The following FGD4 variants were observed in gnomAD, a reference collection of about 807,000 sequenced individuals.
FGD4 encodes the protein FYVE, RhoGEF and PH domain-containing protein 4.
In FGD4, 42 loss-of-function variants were observed where a neutral mutation model predicts 102.0. The observed-to-expected ratio is 0.41, with a 90% CI of 0.32 to 0.53. The LOEUF is 0.53. Among genes scored for constraint, FGD4 ranks in the 20% least tolerant of loss-of-function variants. The probability of loss-of-function intolerance (pLI) is 0.21; values close to 1 mark genes in which losing one functional copy is unlikely to be tolerated. For synonymous variants in FGD4, 380 were observed against 375.7 expected, an observed-to-expected ratio of 1.01 and a Z score of -0.13; for missense variants, 902 against 1,078.2, an observed-to-expected ratio of 0.84 and a Z score of 2.29.
chr12:32,622,138 G>A (rs1276878365), intron 11 of FGD4, among the ~76,000 whole-genome samples: 1 of 152,176 alleles, frequency 6.6e-6, no homozygotes, highest in Non-Finnish European at 1.5e-5. Flanking sequence ...ACCCGCCTTG[G>A]CCTTCCAAAG....
chr12:32,409,690 G>C lies in FGD4; in HGVS notation c.166+9731G>C, dbSNP rs146205945. 6.4e-3 allele frequency among the ~76,000 whole-genome samples: 967 copies of C among 152,184 alleles called. 9 individuals are homozygous for C. The highest frequency in any genetic ancestry group is 0.022 in the African/African-American group (916 of 41,522). On this transcript the variant is annotated intron_variant, in intron 1 of 16. Transcript: ENST00000534526. ...TGCCTGTTACTGATGTCTGTGATGGGATCCAGAAATAATTGCCTTAGTGAT... is the reference window on the plus strand; with the variant it reads ...TGCCTGTTACTGATGTCTGTGATGGCATCCAGAAATAATTGCCTTAGTGAT...
intron 7 of FGD4, among the ~76,000 whole-genome samples, chr12:32,603,039 C>T (rs952182720): frequency 5.3e-5 from 8 of 152,162 alleles, no homozygotes; most frequent in African/African-American, 1.9e-4. Context: ...ATTATACTCA[C>T]CTTAATTCTT....
chr12:32,558,527 T>A (rs1158214260), intron 1 of FGD4, among the ~76,000 whole-genome samples: 1 of 152,202 alleles, frequency 6.6e-6, no homozygotes, highest in Non-Finnish European at 1.5e-5. Context: ...GATTTTGCAA[T>A]GGATAGCCAA....
intron 2 of FGD4, among the ~76,000 whole-genome samples, chr12:32,576,000 A>C (rs1197584423): frequency 6.6e-6 from 1 of 152,200 alleles, no homozygotes; most frequent in Non-Finnish European, 1.5e-5. Flanking sequence ...CCTTATGTGG[A>C]TTCCTAGGTG....
rs758616136 is a variant in FGD4 at position 32,619,781 on chromosome 12, T to C, written c.1833T>C (p.Asp611=). 6.2e-7 allele frequency: 1 copy of C among 1,614,112 alleles called. No homozygotes were observed. Among genetic ancestry groups the C allele is most frequent in the South Asian group, 1.1e-5 (1 of 91,082 alleles). The change falls in exon 11 of 17, where the codon GAT becomes GAC. Residue 611 remains aspartate, a synonymous_variant. Coordinates refer to ENST00000534526, the MANE Select transcript of FGD4 (RefSeq NM_001370298.3). ...KFTVRTRVGI[D]GMKIVETQNE... is the part of the protein sequence containing the mutation. ...CAGTTCGAACCAGGGTTGGCATTGA[T>C]GGAATGAAAATTGTAGAGACTCAAA...
intron 1 of FGD4, among the ~76,000 whole-genome samples, chr12:32,490,476 A>C (rs1309465474): frequency 6.8e-6 from 1 of 147,668 alleles, no homozygotes; most frequent in African/African-American, 2.5e-5. Context: ...GGCTCACTGC[A>C]ACCTCCACCT....
chr12:32,569,196 T>C (rs1945441503), intron 2 of FGD4, among the ~76,000 whole-genome samples: 1 of 152,216 alleles, frequency 6.6e-6, no homozygotes, highest in African/African-American at 2.4e-5. Context: ...CTGTGATCTC[T>C]TGCCTGAATT....
At chr12:32,504,073 T>C (rs906935143) in intron 1 of FGD4, among the ~76,000 whole-genome samples, 1 of 152,252 alleles carries the variant, frequency 6.6e-6, no homozygotes, top group Non-Finnish European at 1.5e-5. Context: ...TTTAATTGGA[T>C]GTTAATGTTA....
intron 1 of FGD4, among the ~76,000 whole-genome samples, chr12:32,469,922 G>T (rs553974437): frequency 5.6e-4 from 85 of 152,198 alleles, no homozygotes; most frequent in Non-Finnish European, 9.9e-4. Context: ...GCCTCCCAAA[G>T]TGCTGGGATT....
At chr12:32,595,126 C>T (rs544635977) in intron 4 of FGD4, among the ~76,000 whole-genome samples, 65 of 151,576 alleles carry the variant, frequency 4.3e-4, no homozygotes, top group African/African-American at 1.5e-3. Context: ...ACAGCATATT[C>T]CTGTATCTTC....
At chr12:32,468,640 G>A (rs1482767624) in intron 1 of FGD4, among the ~76,000 whole-genome samples, 1 of 152,154 alleles carries the variant, frequency 6.6e-6, no homozygotes, top group Non-Finnish European at 1.5e-5. Flanking sequence ...ACTTTGGGAG[G>A]CTGAGGCAGG....
intron 1 of FGD4, among the ~76,000 whole-genome samples, chr12:32,454,396 A>G (rs1942896514): frequency 6.6e-6 from 1 of 152,192 alleles, no homozygotes; most frequent in Admixed American, 6.5e-5. Flanking sequence ...CCTTAAGAGA[A>G]GTGGTCTTTC....
chr12:32,454,971 CT>C (rs1476277030), intron 1 of FGD4, among the ~76,000 whole-genome samples: 2 of 152,088 alleles, frequency 1.3e-5, no homozygotes, highest in Non-Finnish European at 2.9e-5. Flanking sequence ...TAGAATGGTT[CT>C]TTGTGCCAGA....
At chr12:32,445,594 A>G (rs1212538254) in intron 1 of FGD4, among the ~76,000 whole-genome samples, 3 of 152,212 alleles carry the variant, frequency 2.0e-5, no homozygotes, top group Non-Finnish European at 2.9e-5. Context: ...CATTTCATCA[A>G]TGGGCCTCTG....
chr12:32,436,095 G>A (rs1040004886), intron 1 of FGD4, among the ~76,000 whole-genome samples: 2 of 152,170 alleles, frequency 1.3e-5, no homozygotes, highest in Non-Finnish European at 1.5e-5. Context: ...TTCTGTAAAT[G>A]TCTGGAACAA....
At chr12:32,609,651 A>G (rs74661119) in intron 8 of FGD4, among the ~76,000 whole-genome samples, 3 of 151,792 alleles carry the variant, frequency 2.0e-5, no homozygotes, top group South Asian at 4.2e-4. Context: ...TTTGTTTTCC[A>G]TTGCTACTTT....
chr12:32,485,822 A>G (rs1943880409), intron 1 of FGD4: 1 of 1,162,070 alleles, frequency 8.6e-7, no homozygotes, highest in East Asian at 4.1e-5. Flanking sequence ...TTGGCATCAT[A>G]CTTCCTAGTC....
intron 1 of FGD4, among the ~76,000 whole-genome samples, chr12:32,528,469 A>G (rs941926074): frequency 2.6e-5 from 4 of 151,988 alleles, no homozygotes; most frequent in African/African-American, 9.7e-5. Flanking sequence ...GCTCACTGCA[A>G]CCTCTGCCTC....
intron 1 of FGD4, among the ~76,000 whole-genome samples, chr12:32,456,965 G>C (rs976730068): frequency 1.3e-5 from 2 of 152,108 alleles, no homozygotes; most frequent in Admixed American, 1.3e-4. Flanking sequence ...AATGTGCATT[G>C]TTTCTGTGTT....
Sources: gnomAD v4.1 joint callset for allele counts (sites outside exome capture counted in the v4.1 genomes callset) on GRCh38, gnomAD v4.1.1 for gene constraint, MANE v1.5 for transcripts, NCBI Gene and HGNC (gene_info 2026-07-23, HGNC 2026-07-21) for gene names.